Variants in ATG4B observed in about 807,000 individuals in gnomAD.
The protein encoded by ATG4B is cysteine protease ATG4B.
A neutral mutation model predicts 56.6 loss-of-function variants in ATG4B; 29 were observed. That is an observed-to-expected ratio of 0.51 (90% CI 0.38 to 0.70). The LOEUF is 0.70. Ranked by LOEUF, ATG4B falls within the 30% of genes least tolerant of loss-of-function variation. The pLI is 0.00. For missense variants in ATG4B, 461 were observed against 515.5 expected, an observed-to-expected ratio of 0.89 and a Z score of 1.02; for synonymous variants, 224 against 206.1, an observed-to-expected ratio of 1.09 and a Z score of -0.74.
chr2:241,641,285 T>A (rs1414667560), intron 1 of ATG4B, among the ~76,000 whole-genome samples: 2 of 152,194 alleles, frequency 1.3e-5, no homozygotes, highest in African/African-American at 2.4e-5. Flanking sequence ...GCGTGGTGGC[T>A]CACGCCTGTA....
chr2:241,656,821 C>T (rs2068418731), intron 6 of ATG4B, among the ~76,000 whole-genome samples: 1 of 152,184 alleles, frequency 6.6e-6, no homozygotes, highest in Non-Finnish European at 1.5e-5. Context: ...TTGTTCTAGA[C>T]CCCTCTTTTT....
chr2:241,651,192 C>A lies in ATG4B; in HGVS notation c.113-72C>A, dbSNP rs922457462. The A allele has an allele frequency of 6.0e-5, 93 of 1,556,012 alleles. No individual in the cohort carries two copies. Among genetic ancestry groups the A allele is most frequent in the Non-Finnish European group, 8.0e-5 (91 of 1,142,498 alleles). ...TTGTGATCACTGTTCTCTGCTAACT[C>A]TGCCATAACTTGTGACTTGCAAACT... On this transcript the variant is annotated intron_variant, in intron 2 of 12. Transcript: ENST00000404914. This position sits in a 1 kb window ranked among gnomAD's most constrained non-coding sequence, Gnocchi z 4.1.
Position 241,654,667 on chromosome 2 carries a change from G to T in ATG4B, c.385+20G>T. ...AGATAGGTGGGAGGCTGCAGAATGTGCCAGGCCCCACCCGGGCTGTCTGGA... is the reference window on the plus strand; with the variant it reads ...AGATAGGTGGGAGGCTGCAGAATGTTCCAGGCCCCACCCGGGCTGTCTGGA... On this transcript the variant is annotated intron_variant, in intron 5 of 12. Transcript: ENST00000404914. 1.9e-6 allele frequency: 3 copies of T among 1,572,496 alleles called. No homozygotes were observed. Among genetic ancestry groups the T allele is most frequent in the Non-Finnish European group, 1.7e-6 (2 of 1,156,844 alleles).
At chr2:241,671,231 C>T in intron 11 of ATG4B, 81 bp from the exon 12 acceptor site, 2 of 1,260,410 alleles carry the variant, frequency 1.6e-6, no homozygotes, top group Non-Finnish European at 2.3e-6. Context: ...TGTCCGCTGG[C>T]TGTGGCCGGC....
chr2:241,657,517 C>G (rs962163276), intron 6 of ATG4B, among the ~76,000 whole-genome samples: 1 of 151,760 alleles, frequency 6.6e-6, no homozygotes, highest in Non-Finnish European at 1.5e-5. Context: ...GTTAGCCAGG[C>G]TGGTCTTGAA....
chr2:241,666,433 G>C (rs2068773117), intron 7 of ATG4B, among the ~76,000 whole-genome samples: 1 of 152,202 alleles, frequency 6.6e-6, no homozygotes, highest in South Asian at 2.1e-4. Context: ...CTTGAATTAA[G>C]TATGCATAGA....
At chr2:241,648,423 C>T (rs1201297514) in intron 1 of ATG4B, among the ~76,000 whole-genome samples, 1 of 152,096 alleles carries the variant, frequency 6.6e-6, no homozygotes, top group South Asian at 2.1e-4. Flanking sequence ...GATTAGACCT[C>T]ATCTCTACAA....
intron 6 of ATG4B, among the ~76,000 whole-genome samples, chr2:241,657,668 CAAAAT>C (rs1414288223): frequency 1.3e-5 from 2 of 152,186 alleles, no homozygotes; most frequent in Admixed American, 1.3e-4. Context: ...TGGGCCCATT[CAAAAT>C]ATGTCCAGAC....
At chr2:241,643,611 T>TAC (rs911815638) in intron 1 of ATG4B, among the ~76,000 whole-genome samples, 2 of 149,500 alleles carry the variant, frequency 1.3e-5, no homozygotes, top group East Asian at 1.9e-4. Flanking sequence ...AACATATATA[T>TAC]ACGTATATAT....
At chr2:241,660,882 A>G (rs983710487) in intron 7 of ATG4B, among the ~76,000 whole-genome samples, 1 of 152,136 alleles carries the variant, frequency 6.6e-6, no homozygotes, top group African/African-American at 2.4e-5. Flanking sequence ...ACCAAGTCAC[A>G]CCTCAGTCCC....
At chr2:241,647,590 A>G (rs1253165651) in intron 1 of ATG4B, among the ~76,000 whole-genome samples, 1 of 145,366 alleles carries the variant, frequency 6.9e-6, no homozygotes, top group Non-Finnish European at 1.5e-5. Flanking sequence ...ACTGCACTCC[A>G]GCCTGGTGGG....
intron 3 of ATG4B, among the ~76,000 whole-genome samples, chr2:241,652,868 C>T (rs749021528): frequency 2.2e-4 from 34 of 152,360 alleles, no homozygotes; most frequent in Non-Finnish European, 2.5e-4. Context: ...ATCTCTGCTT[C>T]TCACCCTGGT....
chr2:241,671,836 C>T (rs945651446), intron 12 of ATG4B: 70 of 1,274,772 alleles, frequency 5.5e-5, no homozygotes, highest in Middle Eastern at 3.2e-4. Context: ...AGTGAGTGGC[C>T]GTGAGCGCGT....
intron 5 of ATG4B, chr2:241,655,058 C>A (rs951342474): frequency 8.4e-5 from 50 of 596,222 alleles, no homozygotes; most frequent in Non-Finnish European, 1.4e-4. Context: ...CCCTTCATTT[C>A]CCCTCCTTTT....
intron 12 of ATG4B, 93 bp downstream of exon 12, chr2:241,671,498 G>T (rs2068969450): frequency 6.4e-7 from 1 of 1,560,244 alleles, no homozygotes; most frequent in East Asian, 2.4e-5. Flanking sequence ...GACCATTAAG[G>T]TGTGTGTGAG....
chr2:241,649,157 C>T (rs2068153765), intron 1 of ATG4B, among the ~76,000 whole-genome samples: 1 of 152,204 alleles, frequency 6.6e-6, no homozygotes, highest in Non-Finnish European at 1.5e-5. Flanking sequence ...TTCTGACTGC[C>T]CCCTGCCTCC....
chr2:241,649,782 T>C (rs2068173782), intron 1 of ATG4B, among the ~76,000 whole-genome samples: 1 of 148,866 alleles, frequency 6.7e-6, no homozygotes, highest in South Asian at 2.1e-4. Flanking sequence ...TCTTTTCTTT[T>C]TCTTTTTTTT....
chr2:241,668,907 G>C lies in ATG4B; in HGVS notation c.957+222G>C, dbSNP rs545031293. On this transcript the variant is annotated intron_variant, in intron 10 of 12. Transcript: ENST00000404914. The surrounding 1 kb of genome is among the most constrained non-coding windows in gnomAD (Gnocchi z 4.2). ...CTCCTGTGCAGCCTTCATGGCCTTC[G>C]AGTGGCCCAGAGAGCGTGTGTCTGG... 242 of 623,984 alleles carry C rather than the reference G, an allele frequency of 3.9e-4. 2 individuals are homozygous for C. In the African/African-American group the frequency reaches 3.9e-3, roughly 10 times the overall value. 38.7% of individuals were successfully genotyped at this position (623,984 alleles called of 1,614,324 possible).
rs1223349309 is a variant in ATG4B, at chr2:241,673,212, T to C, written c.*948T>C. Reference sequence around the variant, plus strand: ...AAAACCACTTGAGTCTTGTGGTGTGTGGTGGGCAGACACCACAGGGTGGCA... The same window carrying C: ...AAAACCACTTGAGTCTTGTGGTGTGCGGTGGGCAGACACCACAGGGTGGCA... On this transcript the variant is annotated 3_prime_UTR_variant, in exon 13 of 13. Coordinates refer to ENST00000404914, the MANE Select transcript of ATG4B (RefSeq NM_013325.5). The C allele has an allele frequency of 3.5e-6, 1 of 289,778 alleles. No homozygotes were observed. The highest frequency in any genetic ancestry group is 7.0e-6 in the Non-Finnish European group (1 of 143,750). 18.0% of individuals were successfully genotyped at this position (289,778 alleles called of 1,614,324 possible).
Sources: gnomAD v4.1 joint callset for allele counts (sites outside exome capture counted in the v4.1 genomes callset) on GRCh38, gnomAD v4.1.1 for gene constraint, Gnocchi (gnomAD v3.1) non-coding constraint, MANE v1.5 for transcripts, NCBI Gene and HGNC (gene_info 2026-07-23, HGNC 2026-07-21) for gene names.